CWC27: variants seen among roughly 807,000 people sequenced by gnomAD.
CWC27 encodes CWC27 spliceosome associated cyclophilin.
CWC27 carries 47 observed loss-of-function variants against 63.6 expected under a neutral mutation model. The ratio of observed to expected loss-of-function variants is 0.74; its 90% CI spans 0.58 to 0.94. The LOEUF (loss-of-function observed/expected upper bound fraction) is 0.94. Ranked by LOEUF, CWC27 falls within the 40% of genes least tolerant of loss-of-function variation. The pLI, the probability that CWC27 is intolerant of heterozygous loss-of-function variation, is 0.00. For synonymous variants in CWC27, 175 were observed against 179.8 expected (o/e 0.97, Z 0.22); for missense variants, 495 against 554.3 (o/e 0.89, Z 1.07).
intron 10 of CWC27, among the ~76,000 whole-genome samples, chr5:64,842,757 T>A (rs940960912): frequency 2.0e-5 from 3 of 152,090 alleles, no homozygotes; most frequent in African/African-American, 7.2e-5. Flanking sequence ...CACACCACCA[T>A]GCCCGGCTTA....
intron 7 of CWC27, among the ~76,000 whole-genome samples, chr5:64,796,162 T>A (rs1288709184): frequency 6.6e-6 from 1 of 152,010 alleles, no homozygotes; most frequent in Non-Finnish European, 1.5e-5. Flanking sequence ...TTTTAACTAA[T>A]AAGTTTTTCT....
intron 10 of CWC27, among the ~76,000 whole-genome samples, chr5:64,865,465 T>C (rs62369336): frequency 0.34 from 50,929 of 151,852 alleles, 8,873 homozygotes; most frequent in East Asian, 0.51. Context: ...TGATATAGCA[T>C]AGGATTTGAC....
chr5:64,980,908 A>G (rs1446185008), intron 13 of CWC27, among the ~76,000 whole-genome samples: 2 of 152,200 alleles, frequency 1.3e-5, no homozygotes, highest in East Asian at 3.9e-4. Context: ...CCTGGCCAAC[A>G]TGGCGAAACC....
chr5:64,784,107 TA>T, intron 4 of CWC27, 128 bp downstream of exon 4: 5 of 830,262 alleles, frequency 6.0e-6, no homozygotes, highest in Non-Finnish European at 8.8e-6. Flanking sequence ...AGGATATGTT[TA>T]TTATTTTCAA....
chr5:64,907,626 T>C (rs1437170268), intron 11 of CWC27, among the ~76,000 whole-genome samples: 1 of 152,204 alleles, frequency 6.6e-6, no homozygotes, highest in East Asian at 1.9e-4. Context: ...CATTTTGACT[T>C]CCTCTTTTCC....
intron 11 of CWC27, among the ~76,000 whole-genome samples, chr5:64,930,721 G>A (rs980097562): frequency 1.3e-5 from 2 of 152,102 alleles, no homozygotes; most frequent in African/African-American, 4.8e-5. Flanking sequence ...GTTGCACACT[G>A]ATCTGTAATA....
At chr5:64,956,275 G>A (rs958357531) in intron 11 of CWC27, among the ~76,000 whole-genome samples, 3 of 152,112 alleles carry the variant, frequency 2.0e-5, no homozygotes, top group African/African-American at 7.2e-5. Context: ...AAATGTGGCT[G>A]CTCATTGCTT....
At chr5:64,989,216 T>G (rs1417266641) in intron 13 of CWC27, among the ~76,000 whole-genome samples, 1 of 152,190 alleles carries the variant, frequency 6.6e-6, no homozygotes, top group African/African-American at 2.4e-5. Context: ...AATACTACCA[T>G]TTTTCCAAAC....
intron 13 of CWC27, 130 bp downstream of exon 13, chr5:64,977,368 C>A: frequency 1.8e-6 from 1 of 563,950 alleles, no homozygotes; most frequent in Non-Finnish European, 3.1e-6. Flanking sequence ...ACCTCGGCAA[C>A]TTTTGACTTT....
intron 11 of CWC27, among the ~76,000 whole-genome samples, chr5:64,969,816 C>A (rs1749085561): frequency 6.6e-6 from 1 of 152,042 alleles, no homozygotes; most frequent in South Asian, 2.1e-4. Context: ...ACTTCAAGAA[C>A]GGAATCAGAA....
chr5:64,905,164 G>A (rs1230862544), intron 11 of CWC27, among the ~76,000 whole-genome samples: 3 of 132,852 alleles, frequency 2.3e-5, no homozygotes, highest in Non-Finnish European at 4.5e-5. Context: ...TTGCACCACT[G>A]CACTCCAGCC....
chr5:64,873,882 TTTATTC>T (rs1746734211), intron 10 of CWC27, among the ~76,000 whole-genome samples: 1 of 152,090 alleles, frequency 6.6e-6, no homozygotes, highest in Admixed American at 6.6e-5. Flanking sequence ...GGGGTCTAGT[TTTATTC>T]TTCTGCATGT....
chr5:64,972,845 C>T lies in CWC27; in HGVS notation c.1152+1033C>T, dbSNP rs79593771. ...GTATTTGGCAGTCAACACATGAACA[C>T]ATCCCTGCTCTCTCTGATCTATCAG... On this transcript the variant is annotated intron_variant, in intron 12 of 13. Coordinates refer to ENST00000381070, the MANE Select transcript of CWC27 (RefSeq NM_005869.4). 3.1e-3 allele frequency: 956 copies of T among 305,082 alleles called. 7 individuals carry two copies. Among genetic ancestry groups the T allele is most frequent in the African/African-American group, 0.019 (896 of 46,318 alleles). 18.9% of individuals were successfully genotyped at this position (305,082 alleles called of 1,614,324 possible).
intron 10 of CWC27, among the ~76,000 whole-genome samples, chr5:64,863,427 C>T (rs905799860): frequency 6.6e-6 from 1 of 151,868 alleles, no homozygotes; most frequent in Non-Finnish European, 1.5e-5. Context: ...ACTCTGCCCT[C>T]CCCACCTTTC....
At chr5:64,896,471 CAT>C (rs1422406764) in intron 11 of CWC27, among the ~76,000 whole-genome samples, 1 of 151,988 alleles carries the variant, frequency 6.6e-6, no homozygotes, top group Admixed American at 6.6e-5. Context: ...TACATAACAA[CAT>C]AGTATATAAC....
chr5:64,926,844 C>T (rs188914640), intron 11 of CWC27, among the ~76,000 whole-genome samples: 2 of 152,156 alleles, frequency 1.3e-5, no homozygotes, highest in Admixed American at 1.3e-4. Context: ...AGAAGCATTC[C>T]TAAAAACTGT....
chr5:65,009,382 A>G (rs1413954656), intron 13 of CWC27, among the ~76,000 whole-genome samples: 2 of 152,230 alleles, frequency 1.3e-5, no homozygotes, highest in Non-Finnish European at 2.9e-5. Context: ...AACCATATTC[A>G]AACCACAGTA....
At position 64,961,082 on chromosome 5, in the gene CWC27, G is replaced by T. The variant is rs117082104; in HGVS notation, c.1043-10621G>T. ...GTTCATTAGGTAGGTAGCCAATGAA[G>T]AGACTCAAGTGGATTGAAGATTAAG... is the stretch of plus-strand genomic sequence containing the variant. On this transcript the variant is annotated intron_variant, in intron 11 of 13. Transcript: ENST00000381070. Among the ~76,000 whole-genome samples, 26 of 152,336 alleles carry T rather than the reference G, an allele frequency of 1.7e-4. No homozygotes were observed. In the East Asian group the frequency reaches 3.3e-3, roughly 19 times the overall value.
intron 13 of CWC27, among the ~76,000 whole-genome samples, chr5:65,004,378 C>CTTTTTTT (rs70983659): frequency 6.3e-5 from 5 of 79,536 alleles, no homozygotes; most frequent in Non-Finnish European, 7.0e-5. Flanking sequence ...GTTGTATAGG[C>CTTTTTTT]TTTTTTTTTT....
Sources: allele counts gnomAD v4.1 joint callset (sites outside exome capture counted in the v4.1 genomes callset), GRCh38; gene constraint gnomAD v4.1.1; transcripts MANE v1.5; gene names NCBI Gene and HGNC (gene_info 2026-07-23, HGNC 2026-07-21).